Variants in RNF213 observed in about 807,000 individuals in gnomAD.
RNF213 encodes the protein E3 ubiquitin-protein ligase RNF213.
RNF213 carries 341 observed loss-of-function variants against 514.4 expected under a neutral mutation model. That is an observed-to-expected ratio of 0.66 (90% CI 0.61 to 0.73). The LOEUF is 0.73. RNF213 is among the 30% of genes least tolerant of loss of function. The pLI, the probability that RNF213 is intolerant of heterozygous loss-of-function variation, is 0.00. For synonymous variants in RNF213, 2,655 were observed against 2,658.2 expected, an observed-to-expected ratio of 1.00 and a Z score of 0.04; for missense variants, 5,767 against 6,615.6, an observed-to-expected ratio of 0.87 and a Z score of 4.45.
At position 80,339,539 on chromosome 17, in the gene RNF213, C is replaced by T. The variant is rs540004284; in HGVS notation, c.5172C>T (p.Ala1724=). ...TELRKQPPSD[A]ALTMLSFIKS... is the part of the protein sequence containing the mutation. ...TCAGGAAGCAGCCCCCGAGTGATGC[C>T]GCCCTAACGATGCTATCCTTCATCA... Residue 1724 remains alanine (A), a synonymous_variant, in exon 26 of 68, where the codon GCC becomes GCT. Transcript: ENST00000582970. 1.8e-5 allele frequency: 27 copies of T among 1,537,182 alleles called. No homozygotes were observed. The African/African-American group carries it at 2.1e-4, about 12-fold the overall frequency.
chr17:80,279,674 G>A (rs1338139419), intron 3 of RNF213, among the ~76,000 whole-genome samples: 1 of 151,648 alleles, frequency 6.6e-6, no homozygotes, highest in East Asian at 1.9e-4. Flanking sequence ...TCACCATGTT[G>A]GCCAGGCTGG....
chr17:80,319,066 G>T (rs956868964), intron 16 of RNF213, 124 bp from the exon 17 acceptor site: 12 of 1,599,978 alleles, frequency 7.5e-6, no homozygotes, highest in African/African-American at 1.3e-5. Flanking sequence ...GCCAGGAGAA[G>T]CTTAAAATTG....
chr17:80,293,177 C>T (rs950095346), intron 8 of RNF213, among the ~76,000 whole-genome samples: 1 of 152,062 alleles, frequency 6.6e-6, no homozygotes, highest in Non-Finnish European at 1.5e-5. Context: ...CCCCCTCAGC[C>T]CCCCCAAGTA....
chr17:80,349,698 T>C, intron 29 of RNF213, 72 bp from the exon 30 acceptor site: 2 of 1,537,506 alleles, frequency 1.3e-6, no homozygotes, highest in Non-Finnish European at 1.8e-6. Context: ...CTAGGATCTG[T>C]CTAAACCTGG....
At chr17:80,349,684 G>A in intron 29 of RNF213, 86 bp from the exon 30 acceptor site, 1 of 1,450,328 alleles carries the variant, frequency 6.9e-7, no homozygotes, top group Non-Finnish European at 9.7e-7. Context: ...AACATCGCAG[G>A]TTTCTAGGAT....
At chr17:80,378,275 G>A (rs2079843538) in intron 54 of RNF213, among the ~76,000 whole-genome samples, 1 of 152,196 alleles carries the variant, frequency 6.6e-6, no homozygotes, top group Non-Finnish European at 1.5e-5. Flanking sequence ...GCCCTCAGAG[G>A]AGGTGTGGTC....
Position 80,374,487 on chromosome 17 carries a change from G to T in RNF213, c.12972G>T (p.Met4324Ile). 1 of 1,614,204 alleles carries T rather than the reference G, an allele frequency of 6.2e-7. No homozygotes were observed. Among genetic ancestry groups the T allele is most frequent in the Non-Finnish European group, 8.5e-7 (1 of 1,180,032 alleles). The change falls in exon 50 of 68, where the codon ATG (methionine) becomes ATT (isoleucine). Residue 4324 changes from methionine (M) to isoleucine (I), a missense_variant. This residue lies in a region of RNF213 where 1,245 missense variants were observed against 1,339.0 expected (regional missense o/e 0.93). Transcript: ENST00000582970. ...TGCGGCAGGACCACCCAGGCCAGAT[G>T]GATAGGTACCTGGTGTACGGCGATG... ...QGLRQDHPGQ[M>I]DRYLVYGDEY...
At position 80,317,064 on chromosome 17, in the gene RNF213, C is replaced by T; in HGVS notation, c.2812-124C>T. 1 of 1,030,390 alleles carries T rather than the reference C, an allele frequency of 9.7e-7. No homozygotes were observed. Among genetic ancestry groups the T allele is most frequent in the African/African-American group, 1.6e-5 (1 of 63,306 alleles). The allele number at this position is 1,030,390 out of a possible 1,614,324, so 63.8% of individuals were successfully genotyped here. ...GACTGTTGATGAAGGTTGGGGAGAG[C>T]CCTGGTGTTCGCGGAGTCCCGCGCT... On this transcript the variant is annotated intron_variant, in intron 15 of 67. Coordinates refer to ENST00000582970, the MANE Select transcript of RNF213 (RefSeq NM_001256071.3). The surrounding 1 kb of genome is among the most constrained non-coding windows in gnomAD (Gnocchi z 4.1).
In RNF213 at chr17:80,377,726, C is replaced by A. The variant is rs768136579; in HGVS notation, c.13511-36C>A. On this transcript the variant is annotated intron_variant, in intron 53 of 67. Coordinates refer to ENST00000582970, the MANE Select transcript of RNF213 (RefSeq NM_001256071.3). The surrounding 1 kb of genome is among the most constrained non-coding windows in gnomAD (Gnocchi z 4.1). Reference sequence around the variant, plus strand: ...TTTCAATGTGGGTCATTGGGTGAAACCTCATTAGCCAATGTGTGTCCTGTT... The same window carrying A: ...TTTCAATGTGGGTCATTGGGTGAAAACTCATTAGCCAATGTGTGTCCTGTT... 1.9e-6 allele frequency: 3 copies of A among 1,613,540 alleles called. No individual in the cohort carries two copies. In the East Asian group the frequency reaches 6.7e-5, roughly 36 times the overall value.
intron 3 of RNF213, among the ~76,000 whole-genome samples, chr17:80,281,499 ACTCACACACACACCCCAACACACAC>A (rs2044283127): frequency 1.4e-5 from 1 of 70,212 alleles, no homozygotes; most frequent in African/African-American, 6.0e-5. Flanking sequence ...CATACACCCC[ACTCACACACACACCCCAACACACAC>A]ATGCCCCACT....
intron 41 of RNF213, 56 bp downstream of exon 41, chr17:80,363,846 C>T: frequency 6.5e-7 from 1 of 1,534,744 alleles, no homozygotes. Context: ...CACCAGGAGC[C>T]TGCCAAGTGC....
Position 80,332,221 on chromosome 17 carries a change from A to C in RNF213, c.3733A>C (p.Ser1245Arg). Residue 1245 changes from serine to arginine, a missense_variant, in exon 21 of 68, where the codon AGT becomes CGT. Physicochemically the swap from Ser to Arg is moderately radical, Grantham distance 110 (BLOSUM62 -1). Around this residue, in one of 13 missense-constraint regions of RNF213, gnomAD observed 516 missense variants for 566.5 expected, o/e 0.91. Transcript: ENST00000582970. ...LFWREAAEPL[S>R]EPKEDQEAAE... ...CTGGCGGGAAGCCGCAGAGCCGCTG[A>C]GTGAGCCTAAGGAGGACCAGGAAGC... 6.5e-7 allele frequency: 1 copy of C among 1,537,224 alleles called. No homozygotes were observed. The highest frequency in any genetic ancestry group is 8.7e-7 in the Non-Finnish European group (1 of 1,146,920).
chr17:80,319,801 C>G, intron 17 of RNF213: 1 of 1,225,780 alleles, frequency 8.2e-7, no homozygotes, highest in Non-Finnish European at 1.0e-6. Context: ...CAGGAACAGT[C>G]TCGCAGGCAA....
Position 80,288,909 on chromosome 17 carries a change from A to G in RNF213, c.933+154A>G, listed in dbSNP as rs1005055012. On this transcript the variant is annotated intron_variant, in intron 5 of 67. Transcript: ENST00000582970. This position sits in a 1 kb window ranked among gnomAD's most constrained non-coding sequence, Gnocchi z 4.9. ...CTTCGGGGTGCTCACATTCCAGCGG[A>G]GAGAGAGTCAGGAAACCGACTTCAG... is the stretch of plus-strand genomic sequence containing the variant. Among the ~76,000 whole-genome samples, 6 of 152,218 alleles carry G rather than the reference A, an allele frequency of 3.9e-5. No individual in the cohort carries two copies. Among genetic ancestry groups the G allele is most frequent in the Admixed American group, 2.0e-4 (3 of 15,280 alleles).
chr17:80,322,376 A>C (rs558257007), intron 17 of RNF213, among the ~76,000 whole-genome samples: 1 of 151,856 alleles, frequency 6.6e-6, no homozygotes, highest in East Asian at 1.9e-4. Flanking sequence ...ATGCCTGTAG[A>C]CCATCCTGGC....
chr17:80,299,293 G>A (rs539711511), intron 11 of RNF213, among the ~76,000 whole-genome samples: 1 of 152,294 alleles, frequency 6.6e-6, no homozygotes, highest in East Asian at 1.9e-4. Flanking sequence ...GGTTGGTTGT[G>A]CAGTTTCGTT....
intron 46 of RNF213, among the ~76,000 whole-genome samples, chr17:80,370,539 G>A (rs1358397731): frequency 6.6e-6 from 1 of 152,160 alleles, no homozygotes; most frequent in Non-Finnish European, 1.5e-5. Context: ...AGTAGCTGGA[G>A]GTATTGTTTT....
At chr17:80,349,275 C>T (rs927946872) in intron 29 of RNF213, among the ~76,000 whole-genome samples, 1 of 152,128 alleles carries the variant, frequency 6.6e-6, no homozygotes, top group African/African-American at 2.4e-5. Flanking sequence ...AATCTGAGCT[C>T]AGTGGTGAGG....
In RNF213 at chr17:80,327,757, C is replaced by T. The variant is rs939434986; in HGVS notation, c.3194-59C>T. ...AGGTTATCTGGAATTCCCACGGTAA[C>T]GGCAAAGAGGCAGGAGGTGGGGAGC... On this transcript the variant is annotated intron_variant, in intron 18 of 67. Coordinates refer to ENST00000582970, the MANE Select transcript of RNF213 (RefSeq NM_001256071.3). 1.4e-5 allele frequency: 20 copies of T among 1,409,918 alleles called. No homozygotes were observed. The African/African-American group carries it at 1.7e-4, about 12-fold the overall frequency. 87.3% of individuals were successfully genotyped at this position (1,409,918 alleles called of 1,614,324 possible).
Sources: gnomAD v4.1 joint callset for allele counts (sites outside exome capture counted in the v4.1 genomes callset) on GRCh38, gnomAD v4.1.1 for gene constraint, gnomAD v4.1.1 regional missense constraint, Gnocchi (gnomAD v3.1) non-coding constraint, MANE v1.5 for transcripts, NCBI Gene and HGNC (gene_info 2026-07-23, HGNC 2026-07-21) for gene names.